Variants in LRMDA observed in about 807,000 individuals in gnomAD.
LRMDA encodes the protein leucine-rich melanocyte differentiation-associated protein.
In LRMDA, 18 loss-of-function variants were observed where a neutral mutation model predicts 29.8. The observed-to-expected ratio is 0.60, with a 90% CI of 0.42 to 0.90. The LOEUF is 0.90. Among genes scored for constraint, LRMDA ranks in the 40% least tolerant of loss-of-function variants. LRMDA has a pLI of 0.00. For missense variants in LRMDA, 273 were observed against 273.9 expected (o/e 1.00, Z 0.02); for synonymous variants, 125 against 109.4 (o/e 1.14, Z -0.89).
intron 5 of LRMDA, among the ~76,000 whole-genome samples, chr10:76,219,539 A>G (rs1851790899): frequency 6.6e-6 from 1 of 152,254 alleles, no homozygotes; most frequent in Non-Finnish European, 1.5e-5. Context: ...ATAATGGTAA[A>G]GGGATCAATT....
chr10:76,020,786 A>G (rs940524081), intron 2 of LRMDA, among the ~76,000 whole-genome samples: 2 of 152,226 alleles, frequency 1.3e-5, no homozygotes, highest in African/African-American at 4.8e-5. Flanking sequence ...AGAATAGAAT[A>G]TAGACTATGG....
At chr10:76,145,971 G>A (rs1166621578) in intron 5 of LRMDA, among the ~76,000 whole-genome samples, 4 of 151,316 alleles carry the variant, frequency 2.6e-5, no homozygotes, top group African/African-American at 7.3e-5. Context: ...TCAGGAGCAG[G>A]TTGTTCAGTT....
At chr10:76,507,114 G>T (rs1361901087) in intron 6 of LRMDA, among the ~76,000 whole-genome samples, 1 of 151,570 alleles carries the variant, frequency 6.6e-6, no homozygotes, top group Non-Finnish European at 1.5e-5. Context: ...GTTATTTTGT[G>T]TCTTTTTGAT....
intron 2 of LRMDA, among the ~76,000 whole-genome samples, chr10:75,770,395 T>G (rs1034299022): frequency 7.9e-5 from 12 of 152,252 alleles, no homozygotes; most frequent in African/African-American, 2.9e-4. Flanking sequence ...AACTGCATAC[T>G]TAAAAGTGGT....
chr10:76,320,208 A>G (rs1375681195), intron 5 of LRMDA, among the ~76,000 whole-genome samples: 4 of 152,160 alleles, frequency 2.6e-5, no homozygotes. Flanking sequence ...TCCATTATGG[A>G]TATTGCAGAG....
chr10:75,482,948 C>CT (rs1323809477), intron 2 of LRMDA, among the ~76,000 whole-genome samples: 1 of 151,482 alleles, frequency 6.6e-6, no homozygotes, highest in Non-Finnish European at 1.5e-5. Context: ...CTTTCCTTTC[C>CT]TTCTTTTTTT....
chr10:76,381,174 A>T (rs747745054), intron 6 of LRMDA, among the ~76,000 whole-genome samples: 160 of 152,132 alleles, frequency 1.1e-3, no homozygotes, highest in Non-Finnish European at 4.4e-4. Flanking sequence ...AACCTCTCAC[A>T]TTGGACACTG....
intron 2 of LRMDA, among the ~76,000 whole-genome samples, chr10:75,828,630 G>A (rs1844285901): frequency 6.6e-6 from 1 of 152,218 alleles, no homozygotes; most frequent in African/African-American, 2.4e-5. Flanking sequence ...CCACCAAGAA[G>A]TTTTGTCAAC....
intron 6 of LRMDA, among the ~76,000 whole-genome samples, chr10:76,326,057 T>G (rs1222141977): frequency 1.3e-5 from 2 of 152,150 alleles, no homozygotes; most frequent in African/African-American, 4.8e-5. Flanking sequence ...CATCTCAATT[T>G]TACTGAAGAA....
intron 2 of LRMDA, among the ~76,000 whole-genome samples, chr10:75,619,168 T>G (rs1260627877): frequency 6.6e-6 from 1 of 151,870 alleles, no homozygotes; most frequent in Non-Finnish European, 1.5e-5. Flanking sequence ...TCACATTGAG[T>G]AGGCTGAGGA....
intron 2 of LRMDA, among the ~76,000 whole-genome samples, chr10:75,964,032 G>A (rs907425419): frequency 1.3e-5 from 2 of 152,080 alleles, no homozygotes; most frequent in Admixed American, 1.3e-4. Context: ...TGATTTTTAT[G>A]ATCCTGCAGG....
chr10:76,541,107 C>T (rs1433450276), intron 6 of LRMDA, among the ~76,000 whole-genome samples: 3 of 152,090 alleles, frequency 2.0e-5, no homozygotes, highest in Non-Finnish European at 4.4e-5. Context: ...TTCCTAGGTC[C>T]ATTCATTTGG....
rs376230389 is a variant in LRMDA, at chr10:75,988,334, C to T, written c.132-47674C>T. On this transcript the variant is annotated intron_variant, in intron 2 of 6. Transcript: ENST00000611255. The stretch of plus-strand genomic sequence containing the variant: ...CCCTTCTTCCTCCCTCCAGCCTCCA[C>T]CACCTTGAAGGCCGTGAGTCCGAAC... Among the ~76,000 whole-genome samples the T allele has an allele frequency of 1.1e-4, 16 of 152,228 alleles. No individual in the cohort carries two copies. In the South Asian group the frequency reaches 3.1e-3, roughly 30 times the overall value.
intron 3 of LRMDA, among the ~76,000 whole-genome samples, chr10:76,043,487 A>G (rs1439400831): frequency 2.0e-5 from 3 of 152,120 alleles, no homozygotes; most frequent in Non-Finnish European, 4.4e-5. Flanking sequence ...AATGTGGTAG[A>G]AGTCCTAGTG....
intron 5 of LRMDA, among the ~76,000 whole-genome samples, chr10:76,245,882 G>A (rs1307576697): frequency 6.6e-6 from 1 of 152,090 alleles, no homozygotes; most frequent in African/African-American, 2.4e-5. Flanking sequence ...TATCTAATTA[G>A]ACAAATAAAA....
chr10:75,478,555 C>T (rs1467564332), intron 2 of LRMDA, among the ~76,000 whole-genome samples: 1 of 152,142 alleles, frequency 6.6e-6, no homozygotes, highest in African/African-American at 2.4e-5. Flanking sequence ...ATTTAAAAGG[C>T]TGTTCTTTAA....
chr10:76,414,899 G>A (rs571747016), intron 6 of LRMDA, among the ~76,000 whole-genome samples: 77 of 152,380 alleles, frequency 5.1e-4, no homozygotes, highest in Non-Finnish European at 1.1e-3. Context: ...GGAGATGTCA[G>A]GATAGTCAGG....
intron 2 of LRMDA, among the ~76,000 whole-genome samples, chr10:75,569,527 C>T (rs1285074965): frequency 6.6e-6 from 1 of 152,178 alleles, no homozygotes; most frequent in East Asian, 1.9e-4. Flanking sequence ...TAGCAATCAA[C>T]AGCAATAAAA....
intron 2 of LRMDA, among the ~76,000 whole-genome samples, chr10:75,725,288 G>T (rs1842618126): frequency 6.6e-6 from 1 of 152,122 alleles, no homozygotes; most frequent in Admixed American, 6.6e-5. Context: ...TTCTGCAGTA[G>T]CCACTACTGG....
Sources: gnomAD v4.1 joint callset for allele counts (sites outside exome capture counted in the v4.1 genomes callset) on GRCh38, gnomAD v4.1.1 for gene constraint, MANE v1.5 for transcripts, NCBI Gene and HGNC (gene_info 2026-07-23, HGNC 2026-07-21) for gene names.